The following HSD17B4 variants were observed in gnomAD, a reference collection of about 807,000 sequenced individuals.
The protein encoded by HSD17B4 is peroxisomal multifunctional enzyme type 2.
In HSD17B4, 70 loss-of-function variants were observed where a neutral mutation model predicts 101.0. The ratio of observed to expected loss-of-function variants is 0.69; its 90% confidence interval spans 0.57 to 0.85. The LOEUF (loss-of-function observed/expected upper bound fraction) is 0.85. HSD17B4 is among the 40% of genes least tolerant of loss of function. The pLI, the probability that HSD17B4 is intolerant of heterozygous loss-of-function variation, is 0.00. For synonymous variants in HSD17B4, 347 were observed against 297.1 expected (o/e 1.17, Z -1.73); for missense variants, 984 against 892.4 (o/e 1.10, Z -1.31).
At chr5:119,506,011 A>T (rs1751613712) in intron 14 of HSD17B4, among the ~76,000 whole-genome samples, 2 of 152,084 alleles carry the variant, frequency 1.3e-5, no homozygotes, top group African/African-American at 4.8e-5. Context: ...TGAGTTCAGG[A>T]ACATTATTAT....
In HSD17B4 at chr5:119,456,307, T is replaced by A. The variant is rs2126610283; in HGVS notation, c.59-8T>A. The A allele has an allele frequency of 6.2e-7, 1 of 1,604,322 alleles. No homozygotes were observed. Among genetic ancestry groups the A allele is most frequent in the Non-Finnish European group, 8.5e-7 (1 of 1,171,020 alleles). On this transcript the variant is annotated splice_region_variant and splice_polypyrimidine_tract_variant and intron_variant, in intron 1 of 23. Coordinates refer to ENST00000510025, the MANE Select transcript of HSD17B4 (RefSeq NM_000414.4). ...CTTCAACTTTCTGATTATTTTGTTT[T>A]TGATTAGGATTGGGCCGAGCCTATG...
chr5:119,523,983 C>T (rs527614267), intron 17 of HSD17B4, among the ~76,000 whole-genome samples: 3 of 152,150 alleles, frequency 2.0e-5, no homozygotes, highest in East Asian at 3.9e-4. Flanking sequence ...CAATTTCAGG[C>T]CCTGAAATGT....
At chr5:119,524,660 G>T (rs549808600) in intron 17 of HSD17B4, among the ~76,000 whole-genome samples, 1 of 152,258 alleles carries the variant, frequency 6.6e-6, no homozygotes, top group South Asian at 2.1e-4. Flanking sequence ...AACTAGTGAT[G>T]TGGAAATCTG....
chr5:119,493,475 G>A (rs1174797967), intron 10 of HSD17B4: 2 of 264,922 alleles, frequency 7.5e-6, no homozygotes, highest in Non-Finnish European at 1.5e-5. Flanking sequence ...GAAGAATGAA[G>A]TATATTACTT....
chr5:119,455,024 T>G (rs770566476), intron 1 of HSD17B4, among the ~76,000 whole-genome samples: 1 of 152,242 alleles, frequency 6.6e-6, no homozygotes, highest in Non-Finnish European at 1.5e-5. Context: ...ATTAAATTTA[T>G]TCATTTGTCA....
At chr5:119,474,328 C>G (rs1001444852) in intron 3 of HSD17B4, 73 bp from the exon 4 acceptor site, 33 of 901,108 alleles carry the variant, frequency 3.7e-5, no homozygotes, top group South Asian at 3.3e-4. Flanking sequence ...GTCGTGTACT[C>G]TGACCCACAG....
At chr5:119,495,260 T>C (rs554274353) in intron 11 of HSD17B4, among the ~76,000 whole-genome samples, 2 of 152,330 alleles carry the variant, frequency 1.3e-5, no homozygotes, top group African/African-American at 4.8e-5. Flanking sequence ...TTTCCTCTGA[T>C]ATTTATCTCA....
intron 7 of HSD17B4, chr5:119,478,170 A>G (rs1471283148): frequency 6.4e-6 from 1 of 155,712 alleles, no homozygotes; most frequent in Non-Finnish European, 1.4e-5. Context: ...ACTGTTTAGG[A>G]ACTGTAGGAC....
At chr5:119,495,325 T>C (rs1487833884) in intron 11 of HSD17B4, among the ~76,000 whole-genome samples, 2 of 152,210 alleles carry the variant, frequency 1.3e-5, no homozygotes, top group African/African-American at 4.8e-5. Context: ...TCTAATTGAA[T>C]TATTATAACT....
chr5:119,480,363 A>G (rs1182407606), intron 8 of HSD17B4, among the ~76,000 whole-genome samples: 1 of 151,978 alleles, frequency 6.6e-6, no homozygotes, highest in Non-Finnish European at 1.5e-5. Context: ...AAATAAAGGG[A>G]CAGAGTACAA....
Position 119,502,031 on chromosome 5 carries a change from C to T in HSD17B4, c.1210-10C>T, listed in dbSNP as rs529746859. 6.3e-7 allele frequency: 1 copy of T among 1,593,466 alleles called. No individual in the cohort carries two copies. On this transcript the variant is annotated splice_polypyrimidine_tract_variant and intron_variant, in intron 13 of 23. Transcript: ENST00000510025. ...AGTTTGCTAATAAAATTTTGTTTAC[C>T]CTAACATAGGTTCTTCATGGAGAGC...
intron 22 of HSD17B4, among the ~76,000 whole-genome samples, chr5:119,535,018 A>G (rs1004591086): frequency 2.6e-5 from 4 of 152,234 alleles, no homozygotes; most frequent in South Asian, 2.1e-4. Context: ...CAAAAATACT[A>G]GAGAACTTTT....
intron 22 of HSD17B4, among the ~76,000 whole-genome samples, chr5:119,534,069 A>G (rs3797371): frequency 0.1 from 15,684 of 152,116 alleles, 973 homozygotes; most frequent in South Asian, 0.16. Context: ...GTTGAATACA[A>G]TGTTGCTGAG....
intron 17 of HSD17B4, among the ~76,000 whole-genome samples, chr5:119,518,873 C>A (rs940560406): frequency 1.2e-4 from 19 of 152,188 alleles, no homozygotes; most frequent in Middle Eastern, 6.8e-3. Flanking sequence ...GTGGCTCACA[C>A]CTTAAATCCC....
At chr5:119,461,827 A>G (rs986509174) in intron 2 of HSD17B4, among the ~76,000 whole-genome samples, 12 of 152,136 alleles carry the variant, frequency 7.9e-5, no homozygotes, top group Admixed American at 2.6e-4. Context: ...TGAGACTTCA[A>G]TGAGCTATCA....
At chr5:119,474,049 T>A (rs1385944122) in intron 3 of HSD17B4, 34 bp downstream of exon 3, 2 of 1,043,608 alleles carry the variant, frequency 1.9e-6, no homozygotes. Flanking sequence ...CTATTTATTT[T>A]CCTTCAACTA....
chr5:119,456,201 C>T (rs992641189), intron 1 of HSD17B4, 114 bp from the exon 2 acceptor site: 3 of 749,110 alleles, frequency 4.0e-6, no homozygotes, highest in Non-Finnish European at 7.4e-6. Context: ...TTGAGAGTAT[C>T]ATTAAAATGT....
At chr5:119,515,084 G>C (rs756571212) in intron 17 of HSD17B4, 38 bp downstream of exon 17, 1 of 1,122,318 alleles carries the variant, frequency 8.9e-7, no homozygotes, top group Non-Finnish European at 1.4e-6. Flanking sequence ...AATCCACCTG[G>C]TTGATGACAC....
At chr5:119,503,942 C>T (rs1345134189) in intron 14 of HSD17B4, among the ~76,000 whole-genome samples, 1 of 152,050 alleles carries the variant, frequency 6.6e-6, no homozygotes, top group East Asian at 1.9e-4. Context: ...GCTCTCCCTA[C>T]TCTAGTAGTC....
Sources: gnomAD v4.1 joint callset for allele counts (sites outside exome capture counted in the v4.1 genomes callset) on GRCh38, gnomAD v4.1.1 for gene constraint, MANE v1.5 for transcripts, NCBI Gene and HGNC (gene_info 2026-07-23, HGNC 2026-07-21) for gene names.